Variants in SNTG2 observed in about 807,000 individuals in gnomAD.
SNTG2 encodes the protein syntrophin gamma 2.
Under a neutral mutation model 70.9 loss-of-function variants are expected in SNTG2, and 74 were observed. That is an observed-to-expected ratio of 1.04 (90% CI 0.86 to 1.27). SNTG2 has a LOEUF of 1.27. Among genes scored for constraint, SNTG2 ranks in the 50% most tolerant of loss-of-function variants. The pLI, the probability that SNTG2 is intolerant of heterozygous loss-of-function variation, is 0.00. For synonymous variants in SNTG2, 278 were observed against 273.8 expected (o/e 1.02, Z -0.15); for missense variants, 717 against 690.7 (o/e 1.04, Z -0.43).
intron 13 of SNTG2, chr2:1,262,848 G>C (rs1313137074): frequency 2.4e-4 from 36 of 152,120 alleles, no homozygotes; most frequent in Admixed American, 2.4e-3. Flanking sequence ...GAGGAAACCC[G>C]ATGGCCTAGC....
intron 12 of SNTG2, among the ~76,000 whole-genome samples, chr2:1,255,886 ATATATAT>A (rs1558602832): frequency 1.7e-3 from 71 of 42,726 alleles, no homozygotes; most frequent in African/African-American, 7.5e-3. Flanking sequence ...ATATATATAA[ATATATAT>A]AAATATATAT....
chr2:1,353,520 T>G lies in SNTG2; in HGVS notation c.1489-13823T>G, dbSNP rs2148309512. On this transcript the variant is annotated intron_variant, in intron 16 of 16. Coordinates refer to ENST00000308624, the MANE Select transcript of SNTG2 (RefSeq NM_018968.4). This position sits in a 1 kb window ranked among gnomAD's most constrained non-coding sequence, Gnocchi z 4.2. ...ATTGAACAACCATCTCTTTCAAGTC[T>G]TGCTTTGAGGGCCAAGTCCCCACAG... Among the ~76,000 whole-genome samples the G allele has an allele frequency of 6.6e-6, 1 of 152,202 alleles. No homozygotes were observed. The highest frequency in any genetic ancestry group is 2.4e-5 in the African/African-American group (1 of 41,468).
Position 1,173,118 on chromosome 2 carries a change from A to G in SNTG2, c.526A>G (p.Ser176Gly), listed in dbSNP as rs1455570933. The G allele has an allele frequency of 1.9e-6, 3 of 1,614,024 alleles. No individual in the cohort carries two copies. Among genetic ancestry groups the G allele is most frequent in the South Asian group, 1.1e-5 (1 of 91,076 alleles). Residue 176 changes from serine (S) to glycine (G), a missense_variant, in exon 8 of 17, where the codon AGC becomes GGC. By Grantham distance (56) the Ser-to-Gly change is moderately conservative. Coordinates refer to ENST00000308624, the MANE Select transcript of SNTG2 (RefSeq NM_018968.4). ...GTCCCCAGGGCCATCCAGCGACCACAGCAGTGGGGCCTCCTCTCCCCTCTT... is the reference window on the plus strand; with the variant it reads ...GTCCCCAGGGCCATCCAGCGACCACGGCAGTGGGGCCTCCTCTCCCCTCTT... ...LGSPGPSSDH[S>G]SGASSPLFDS...
At chr2:1,239,644 G>T in intron 10 of SNTG2, 94 bp from the exon 11 acceptor site, 1 of 1,344,830 alleles carries the variant, frequency 7.4e-7, no homozygotes. Context: ...TGTTTCCCAG[G>T]ACAGAGCGTG....
intron 1 of SNTG2, among the ~76,000 whole-genome samples, chr2:1,021,561 G>T (rs1660175625): frequency 1.3e-5 from 2 of 151,762 alleles, no homozygotes; most frequent in African/African-American, 4.8e-5. Context: ...ACTCAAATTT[G>T]ATATAACTTA....
At chr2:1,155,174 C>CACACACACACACA (rs376428558) in intron 6 of SNTG2, among the ~76,000 whole-genome samples, 1,540 of 146,718 alleles carry the variant, frequency 0.01, 27 homozygotes, top group African/African-American at 0.035. Context: ...CGTAGACCCC[C>CACACACACACACA]CCCCCACACA....
intron 4 of SNTG2, among the ~76,000 whole-genome samples, chr2:1,137,387 T>C (rs538189649): frequency 4.6e-5 from 7 of 150,606 alleles, no homozygotes; most frequent in African/African-American, 1.2e-4. Context: ...ATCCACACAC[T>C]CAGACTCGCA....
At chr2:954,433 G>A (rs771977258) in intron 1 of SNTG2, among the ~76,000 whole-genome samples, 9 of 152,172 alleles carry the variant, frequency 5.9e-5, no homozygotes, top group Non-Finnish European at 1.2e-4. Context: ...TGCTTTTGGA[G>A]GAAAAATGCA....
intron 12 of SNTG2, among the ~76,000 whole-genome samples, chr2:1,255,968 A>G (rs1281087297): frequency 6.9e-6 from 1 of 145,140 alleles, no homozygotes; most frequent in Non-Finnish European, 1.5e-5. Flanking sequence ...GTGTTAATAC[A>G]CATACGTATG....
chr2:1,120,484 T>A lies in SNTG2; in HGVS notation c.326-17138T>A, dbSNP rs530604908. 2.8e-4 allele frequency among the ~76,000 whole-genome samples: 43 copies of A among 152,204 alleles called. 1 individual carries two copies. In the South Asian group the frequency reaches 8.5e-3, roughly 30 times the overall value. On this transcript the variant is annotated intron_variant, in intron 4 of 16. Coordinates refer to ENST00000308624, the MANE Select transcript of SNTG2 (RefSeq NM_018968.4). ...GTGAAGTAGACTGAAAAAGAGATGA[T>A]CCCAACTATATACTGGCTATAAGAG...
In SNTG2 at chr2:1,362,722, C is replaced by T. The variant is rs181586261; in HGVS notation, c.1489-4621C>T. On this transcript the variant is annotated intron_variant, in intron 16 of 16. Coordinates refer to ENST00000308624, the MANE Select transcript of SNTG2 (RefSeq NM_018968.4). The stretch of plus-strand genomic sequence containing the variant: ...ACGCTGAGCATTTCAGTAGAACTTC[C>T]GTGAAAGTCACCGACGCTGAGCATT... Among the ~76,000 whole-genome samples, 329 of 151,998 alleles carry T rather than the reference C, an allele frequency of 2.2e-3. 1 individual carries two copies. The highest frequency in any genetic ancestry group is 7.1e-3 in the African/African-American group (296 of 41,426).
At position 1,018,810 on chromosome 2, in the gene SNTG2, C is replaced by T. The variant is rs545251804; in HGVS notation, c.73-64708C>T. Among the ~76,000 whole-genome samples, 165 of 152,342 alleles carry T rather than the reference C, an allele frequency of 1.1e-3. 1 individual carries two copies. Among genetic ancestry groups the T allele is most frequent in the Non-Finnish European group, 1.5e-3 (103 of 68,042 alleles). On this transcript the variant is annotated intron_variant, in intron 1 of 16. Transcript: ENST00000308624. Reference sequence around the variant, plus strand: ...AATGTTGGCAAAGGCCTGAGCACAACGTGCTTTCACTTAATGGGCCATCAC... The same window carrying T: ...AATGTTGGCAAAGGCCTGAGCACAATGTGCTTTCACTTAATGGGCCATCAC...
intron 4 of SNTG2, among the ~76,000 whole-genome samples, chr2:1,113,892 T>G (rs1666715861): frequency 6.6e-6 from 1 of 151,598 alleles, no homozygotes; most frequent in Admixed American, 6.6e-5. Context: ...AGAGGGATGG[T>G]GTGTACTAAG....
chr2:1,126,061 A>T (rs1667681411), intron 4 of SNTG2, among the ~76,000 whole-genome samples: 1 of 152,208 alleles, frequency 6.6e-6, no homozygotes, highest in Non-Finnish European at 1.5e-5. Context: ...AACTATCATT[A>T]TTCTACAGTG....
intron 1 of SNTG2, among the ~76,000 whole-genome samples, chr2:1,047,143 T>C (rs1259251792): frequency 6.6e-6 from 1 of 152,210 alleles, no homozygotes; most frequent in Non-Finnish European, 1.5e-5. Flanking sequence ...TATTCTGCTG[T>C]TAATACTCCT....
chr2:1,271,143 G>A lies in SNTG2; in HGVS notation c.1284+3572G>A, dbSNP rs140059374. Reference sequence around the variant, plus strand: ...AAATAATATCTACATTACAAATATCGTTCCAAGTTATCCAGAATTCAGTGT... The same window carrying A: ...AAATAATATCTACATTACAAATATCATTCCAAGTTATCCAGAATTCAGTGT... On this transcript the variant is annotated intron_variant, in intron 14 of 16. Coordinates refer to ENST00000308624, the MANE Select transcript of SNTG2 (RefSeq NM_018968.4). Among the ~76,000 whole-genome samples, 390 of 152,170 alleles carry A rather than the reference G, an allele frequency of 2.6e-3. 1 individual carries two copies. The highest frequency in any genetic ancestry group is 8.8e-3 in the African/African-American group (366 of 41,516).
chr2:1,065,705 T>C (rs1433790092), intron 1 of SNTG2, among the ~76,000 whole-genome samples: 1 of 136,518 alleles, frequency 7.3e-6, no homozygotes, highest in Non-Finnish European at 1.6e-5. Context: ...CTCAGCTTTA[T>C]ATATTTGAAA....
intron 1 of SNTG2, among the ~76,000 whole-genome samples, chr2:962,925 A>G (rs1660400547): frequency 1.3e-5 from 2 of 152,352 alleles, no homozygotes; most frequent in African/African-American, 4.8e-5. Context: ...AGGTGCCTCT[A>G]CTAGCGGGGA....
At chr2:1,177,953 A>G (rs1671594835) in intron 8 of SNTG2, among the ~76,000 whole-genome samples, 1 of 152,182 alleles carries the variant, frequency 6.6e-6, no homozygotes, top group African/African-American at 2.4e-5. Context: ...GTATTGTTGG[A>G]ATTTGGGACA....
Sources: allele counts gnomAD v4.1 joint callset (sites outside exome capture counted in the v4.1 genomes callset), GRCh38; gene constraint gnomAD v4.1.1; non-coding constraint Gnocchi (gnomAD v3.1); transcripts MANE v1.5; gene names NCBI Gene and HGNC (gene_info 2026-07-23, HGNC 2026-07-21).